MALRD1: variants seen among roughly 807,000 people sequenced by gnomAD.
MALRD1 encodes MAM and LDL receptor class A domain containing 1, also known as MAM and LDL-receptor class A domain-containing protein 1.
A neutral mutation model predicts 242.1 loss-of-function variants in MALRD1; 247 were observed. The ratio of observed to expected loss-of-function variants is 1.02; its 90% CI spans 0.92 to 1.13. MALRD1 has a LOEUF of 1.13. Among genes scored for constraint, MALRD1 ranks in the 50% most tolerant of loss-of-function variants. The probability of loss-of-function intolerance (pLI) is 0.00; values close to 1 mark genes in which losing one functional copy is unlikely to be tolerated. For missense variants in MALRD1, 2,989 were observed against 2,533.1 expected (o/e 1.18, Z -3.86); for synonymous variants, 995 against 866.6 (o/e 1.15, Z -2.60).
intron 21 of MALRD1, among the ~76,000 whole-genome samples, chr10:19,320,602 G>C (rs1842880805): frequency 6.6e-6 from 1 of 151,972 alleles, no homozygotes; most frequent in Admixed American, 6.6e-5. Flanking sequence ...GGGATTGCTG[G>C]GTCAAATGGT....
intron 12 of MALRD1, among the ~76,000 whole-genome samples, chr10:19,156,082 G>A (rs1414279622): frequency 6.6e-6 from 1 of 152,124 alleles, no homozygotes; most frequent in Non-Finnish European, 1.5e-5. Flanking sequence ...ATAATGAAGA[G>A]ATCAGTAGTG....
intron 18 of MALRD1, among the ~76,000 whole-genome samples, chr10:19,223,721 C>T (rs1837661025): frequency 6.6e-6 from 1 of 152,058 alleles, no homozygotes; most frequent in Admixed American, 6.6e-5. Context: ...CTGACAGGCC[C>T]CAGTGTGTGA....
intron 28 of MALRD1, among the ~76,000 whole-genome samples, chr10:19,440,215 T>C (rs1440944512): frequency 6.6e-6 from 1 of 152,230 alleles, no homozygotes; most frequent in Admixed American, 6.5e-5. Flanking sequence ...TACTAGTTTT[T>C]AGTCCATAGT....
chr10:19,248,710 CT>C (rs1839170293), intron 18 of MALRD1, among the ~76,000 whole-genome samples: 1 of 151,494 alleles, frequency 6.6e-6, no homozygotes, highest in Non-Finnish European at 1.5e-5. Flanking sequence ...AATGGTCTTT[CT>C]ATGGGCCTAT....
At chr10:19,506,872 T>C (rs1329316904) in intron 31 of MALRD1, among the ~76,000 whole-genome samples, 1 of 152,142 alleles carries the variant, frequency 6.6e-6, no homozygotes, top group African/African-American at 2.4e-5. Flanking sequence ...TAGGCCATCC[T>C]TGCATTGCTA....
intron 4 of MALRD1, among the ~76,000 whole-genome samples, chr10:19,099,443 C>T (rs1378101665): frequency 6.6e-6 from 1 of 152,104 alleles, no homozygotes; most frequent in Non-Finnish European, 1.5e-5. Flanking sequence ...CAGAGGTCAT[C>T]TATCTTCTCT....
chr10:19,514,493 A>G (rs1304993106), intron 31 of MALRD1, among the ~76,000 whole-genome samples: 2 of 152,162 alleles, frequency 1.3e-5, no homozygotes, highest in African/African-American at 4.8e-5. Context: ...TTCAACGTCA[A>G]AAGATCCTAA....
chr10:19,322,126 A>T (rs1591337), intron 21 of MALRD1, among the ~76,000 whole-genome samples: 33,903 of 151,940 alleles, frequency 0.22, 4,405 homozygotes, highest in African/African-American at 0.36. Context: ...ATCCTGACAT[A>T]TGCTTAAAGA....
At position 19,558,663 on chromosome 10, in the gene MALRD1, A is replaced by G. The variant is rs77472674; in HGVS notation, c.5479-8839A>G. Among the ~76,000 whole-genome samples, 453 of 152,228 alleles carry G rather than the reference A, an allele frequency of 3.0e-3. 1 individual carries two copies. The highest frequency in any genetic ancestry group is 0.01 in the African/African-American group (435 of 41,526). On this transcript the variant is annotated intron_variant, in intron 32 of 39. Transcript: ENST00000454679. ...ATACTTTTTGAGAATTTTTGCATCT[A>G]TCTTCATGAGAAATGTTGGTCTGTA...
chr10:19,396,003 C>T (rs1037398302), intron 28 of MALRD1, among the ~76,000 whole-genome samples: 14 of 152,060 alleles, frequency 9.2e-5, no homozygotes, highest in Admixed American at 5.2e-4. Flanking sequence ...AGCATATAGT[C>T]GGCTCTAAAG....
chr10:19,669,870 A>C (rs986953594), intron 36 of MALRD1, among the ~76,000 whole-genome samples: 1 of 152,032 alleles, frequency 6.6e-6, no homozygotes, highest in Non-Finnish European at 1.5e-5. Context: ...AATACAGAAA[A>C]ATTTTTGGTT....
intron 19 of MALRD1, among the ~76,000 whole-genome samples, chr10:19,270,843 C>CACACACAA (rs1554823235): frequency 6.7e-6 from 1 of 150,260 alleles, no homozygotes; most frequent in Non-Finnish European, 1.5e-5. Flanking sequence ...CACACACACA[C>CACACACAA]GCACACACAA....
At chr10:19,611,086 T>G (rs1052388760) in intron 35 of MALRD1, among the ~76,000 whole-genome samples, 1 of 151,976 alleles carries the variant, frequency 6.6e-6, no homozygotes, top group Non-Finnish European at 1.5e-5. Flanking sequence ...AACAATTATT[T>G]AATACCTTAT....
At chr10:19,052,612 C>T (rs1338427014) in intron 1 of MALRD1, among the ~76,000 whole-genome samples, 1 of 152,128 alleles carries the variant, frequency 6.6e-6, no homozygotes, top group Admixed American at 6.5e-5. Flanking sequence ...CAACAACAGC[C>T]CTCTAGCCCA....
At chr10:19,617,138 G>T (rs975107671) in intron 36 of MALRD1, among the ~76,000 whole-genome samples, 38 of 152,070 alleles carry the variant, frequency 2.5e-4, no homozygotes, top group African/African-American at 9.1e-4. Flanking sequence ...AATCCTGACA[G>T]TTAAGCCAGA....
intron 32 of MALRD1, among the ~76,000 whole-genome samples, chr10:19,536,543 G>T (rs1359426164): frequency 1.3e-5 from 2 of 151,806 alleles, no homozygotes; most frequent in African/African-American, 4.8e-5. Flanking sequence ...CGTAGCCCTT[G>T]TAATCAGTCC....
At chr10:19,472,229 C>T (rs1836531146) in intron 29 of MALRD1, among the ~76,000 whole-genome samples, 2 of 152,016 alleles carry the variant, frequency 1.3e-5, no homozygotes, top group Non-Finnish European at 2.9e-5. Context: ...GTTGAACCAA[C>T]TTTGAATCTC....
intron 36 of MALRD1, among the ~76,000 whole-genome samples, chr10:19,636,308 A>G (rs1217331347): frequency 1.3e-5 from 2 of 152,154 alleles, no homozygotes; most frequent in African/African-American, 4.8e-5. Flanking sequence ...AACATTTACT[A>G]CCCATTGACT....
chr10:19,588,817 A>G (rs1436603163), intron 33 of MALRD1, among the ~76,000 whole-genome samples: 1 of 152,042 alleles, frequency 6.6e-6, no homozygotes. Flanking sequence ...TAATTTTTGT[A>G]TTTTTAGTAG....
Sources: gnomAD v4.1 joint callset for allele counts (sites outside exome capture counted in the v4.1 genomes callset) on GRCh38, gnomAD v4.1.1 for gene constraint, MANE v1.5 for transcripts, NCBI Gene and HGNC (gene_info 2026-07-23, HGNC 2026-07-21) for gene names.